The following DNAH5 variants were observed in gnomAD, a reference collection of about 807,000 sequenced individuals.
The protein encoded by DNAH5 is dynein axonemal heavy chain 5.
DNAH5 carries 372 observed loss-of-function variants against 518.2 expected under a neutral mutation model. The observed-to-expected ratio is 0.72, with a 90% confidence interval of 0.66 to 0.78. DNAH5 has a LOEUF of 0.78. Ranked by LOEUF, DNAH5 falls within the 30% of genes least tolerant of loss-of-function variation. The pLI, the probability that DNAH5 is intolerant of heterozygous loss-of-function variation, is 0.00. For missense variants in DNAH5, 5,523 were observed against 5,687.0 expected, an observed-to-expected ratio of 0.97 and a Z score of 0.93; for synonymous variants, 2,039 against 2,025.9, an observed-to-expected ratio of 1.01 and a Z score of -0.17.
Position 13,884,979 on chromosome 5 carries a change from A to G in DNAH5, c.2983+10T>C. On this transcript the variant is annotated intron_variant, in intron 19 of 78. Transcript: ENST00000265104. ...GATCATCCACTAAGCAAACCACACA[A>G]GATTATTACCCCGGAAGTTAATTGT... The G allele has an allele frequency of 6.2e-7, 1 of 1,614,142 alleles. No homozygotes were observed. The highest frequency in any genetic ancestry group is 8.5e-7 in the Non-Finnish European group (1 of 1,180,016).
chr5:13,730,750 C>A (rs567499846), intron 68 of DNAH5, among the ~76,000 whole-genome samples: 1 of 149,970 alleles, frequency 6.7e-6, no homozygotes, highest in East Asian at 2.0e-4. Flanking sequence ...GTTGCCCAGG[C>A]TAGAGTGCAA....
chr5:13,842,445 A>AGAGAGAGAGAGAGAGAG (rs1561407436), intron 32 of DNAH5, among the ~76,000 whole-genome samples: 21 of 97,866 alleles, frequency 2.1e-4, no homozygotes, highest in African/African-American at 9.3e-4. Flanking sequence ...GAAAGAAAGA[A>AGAGAGAGAGAGAGAGAG]AGAAAGAAAG....
chr5:13,971,809 G>T (rs1464138933), intron 1 of DNAH5, among the ~76,000 whole-genome samples: 2 of 152,146 alleles, frequency 1.3e-5, no homozygotes, highest in Non-Finnish European at 2.9e-5. Context: ...GTATAGGGAG[G>T]ATACAAGCTT....
chr5:13,771,662 G>A (rs935944407), intron 55 of DNAH5, among the ~76,000 whole-genome samples: 9 of 152,140 alleles, frequency 5.9e-5, no homozygotes, highest in African/African-American at 1.2e-4. Context: ...TGCCTGTTGC[G>A]GAGCCACCAC....
chr5:13,838,749 TG>T (rs1372240912), intron 35 of DNAH5, among the ~76,000 whole-genome samples: 1 of 152,130 alleles, frequency 6.6e-6, no homozygotes, highest in Non-Finnish European at 1.5e-5. Flanking sequence ...ACCCACCCCC[TG>T]GTCTGTAGAA....
chr5:13,785,340 A>G (rs1250002325), intron 52 of DNAH5, among the ~76,000 whole-genome samples: 2 of 152,130 alleles, frequency 1.3e-5, no homozygotes, highest in African/African-American at 4.8e-5. Context: ...CCTGCTCCTA[A>G]CAGGCCACAG....
chr5:13,774,472 C>T (rs1452655696), intron 55 of DNAH5, among the ~76,000 whole-genome samples: 2 of 151,940 alleles, frequency 1.3e-5, no homozygotes, highest in African/African-American at 2.4e-5. Flanking sequence ...CAGACTAGAC[C>T]GGAGAAAAAA....
At chr5:13,927,495 G>T (rs138455048) in intron 3 of DNAH5, among the ~76,000 whole-genome samples, 1 of 151,930 alleles carries the variant, frequency 6.6e-6, no homozygotes, top group Non-Finnish European at 1.5e-5. Context: ...GTGACAGAGC[G>T]AGACTCTGTC....
Position 13,876,713 on chromosome 5 carries a change from G to A in DNAH5, c.3367C>T (p.Leu1123Phe). The A allele has an allele frequency of 1.2e-6, 2 of 1,613,892 alleles. No homozygotes were observed. Among genetic ancestry groups the A allele is most frequent in the South Asian group, 2.2e-5 (2 of 91,078 alleles). Residue 1123 changes from leucine (L) to phenylalanine (F), a missense_variant, in exon 22 of 79, where the codon CTT (leucine) becomes TTT (phenylalanine). Physicochemically the swap from Leu to Phe is conservative, Grantham distance 22. Transcript: ENST00000265104. ...NKEIVKLVSV[L>F]STIINSTKKE... ...TTGGTGGAGTTGATAATTGTGCTAA[G>A]CACAGAAACTAATTTTACAATCTCT...
At chr5:13,819,138 C>T (rs554859476) in intron 41 of DNAH5, among the ~76,000 whole-genome samples, 1 of 152,268 alleles carries the variant, frequency 6.6e-6, no homozygotes, top group South Asian at 2.1e-4. Flanking sequence ...TTATTGTTAA[C>T]AGAAGGCAGC....
chr5:13,692,833 A>G (rs1740880678), intron 78 of DNAH5, among the ~76,000 whole-genome samples: 1 of 152,156 alleles, frequency 6.6e-6, no homozygotes, highest in African/African-American at 2.4e-5. Flanking sequence ...CTCCACCCAC[A>G]TGCTCCCTTT....
At chr5:13,792,475 T>G (rs926615291) in intron 49 of DNAH5, among the ~76,000 whole-genome samples, 7 of 152,192 alleles carry the variant, frequency 4.6e-5, no homozygotes, top group African/African-American at 1.4e-4. Context: ...GTTGCACCAC[T>G]TCAATATTAT....
At chr5:13,871,929 G>A (rs1770168315) in intron 22 of DNAH5, among the ~76,000 whole-genome samples, 164 bp from the exon 23 acceptor site, 1 of 152,186 alleles carries the variant, frequency 6.6e-6, no homozygotes, top group Non-Finnish European at 1.5e-5. Context: ...ATATACAATA[G>A]TGTGGACAGT....
intron 38 of DNAH5, among the ~76,000 whole-genome samples, chr5:13,826,766 T>C (rs897061894): frequency 1.3e-5 from 2 of 152,186 alleles, no homozygotes; most frequent in African/African-American, 2.4e-5. Context: ...GGTGCTACTA[T>C]AAAGATACCT....
At position 13,792,469 on chromosome 5, in the gene DNAH5, C is replaced by T. The variant is rs556583019; in HGVS notation, c.8225-252G>A. On this transcript the variant is annotated intron_variant, in intron 49 of 78. Coordinates refer to ENST00000265104, the MANE Select transcript of DNAH5 (RefSeq NM_001369.3). ...GAAATACTGCCGAAGACTCTGGTTG[C>T]ACCACTTCAATATTATTAAATGGGT... 4.1e-4 allele frequency among the ~76,000 whole-genome samples: 62 copies of T among 152,266 alleles called. 1 individual carries two copies. In the East Asian group the frequency reaches 8.9e-3, roughly 22 times the overall value.
intron 49 of DNAH5, among the ~76,000 whole-genome samples, chr5:13,792,683 A>G (rs1015220243): frequency 6.6e-6 from 1 of 152,078 alleles, no homozygotes; most frequent in African/African-American, 2.4e-5. Context: ...TTTCTGGTCC[A>G]TGTTTCTTTT....
At position 13,824,313 on chromosome 5, in the gene DNAH5, C is replaced by G. The variant is rs1436835343; in HGVS notation, c.6465G>C (p.Leu2155=). 1.2e-6 allele frequency: 2 copies of G among 1,613,944 alleles called. No individual in the cohort carries two copies. The highest frequency in any genetic ancestry group is 1.1e-5 in the South Asian group (1 of 91,082). ...LSKQVHYDFG[L]RNILSVLRTL... is the part of the protein sequence containing the mutation. ...TCCGAAGAACTGACAGAATGTTACG[C>G]AGGCCAAAGTCATAATGAACCTAGA... The change falls in exon 39 of 79, where the codon CTG becomes CTC. Residue 2155 remains leucine (L), a synonymous_variant. Coordinates refer to ENST00000265104, the MANE Select transcript of DNAH5 (RefSeq NM_001369.3).
chr5:13,881,331 A>C (rs1046254033), intron 21 of DNAH5, among the ~76,000 whole-genome samples: 2 of 152,056 alleles, frequency 1.3e-5, no homozygotes, highest in South Asian at 4.1e-4. Context: ...ATCTAACAGA[A>C]CAGCATATAC....
chr5:13,928,836 G>A (rs190829723), intron 2 of DNAH5, among the ~76,000 whole-genome samples: 31 of 152,310 alleles, frequency 2.0e-4, no homozygotes, highest in Admixed American at 1.0e-3. Flanking sequence ...CCAAAAAACA[G>A]AAAACAGCAA....
Sources: allele counts gnomAD v4.1 joint callset (sites outside exome capture counted in the v4.1 genomes callset), GRCh38; gene constraint gnomAD v4.1.1; transcripts MANE v1.5; gene names NCBI Gene and HGNC (gene_info 2026-07-23, HGNC 2026-07-21).